The following WNK2 variants were observed in gnomAD, a reference collection of about 807,000 sequenced individuals.
WNK2 encodes the protein WNK lysine deficient protein kinase 2.
WNK2 carries 67 observed loss-of-function variants against 192.1 expected under a neutral mutation model. The observed-to-expected ratio is 0.35, with a 90% CI of 0.29 to 0.43. The LOEUF (loss-of-function observed/expected upper bound fraction) is 0.43, where lower values mean the gene tolerates loss of function less well. WNK2 is among the 20% of genes least tolerant of loss of function. The pLI is 1.00. For synonymous variants in WNK2, 1,439 were observed against 1,393.9 expected, an observed-to-expected ratio of 1.03 and a Z score of -0.72; for missense variants, 2,698 against 3,089.7, an observed-to-expected ratio of 0.87 and a Z score of 3.01.
chr9:93,320,089 A>G (rs72743449), intron 29 of WNK2, among the ~76,000 whole-genome samples: 9,436 of 152,052 alleles, frequency 0.062, 359 homozygotes, highest in African/African-American at 0.1. Context: ...AGGGCAGCTC[A>G]CTCCCCAGAT....
chr9:93,191,330 G>T (rs1163353661), intron 2 of WNK2, among the ~76,000 whole-genome samples: 1 of 152,188 alleles, frequency 6.6e-6, no homozygotes, highest in Non-Finnish European at 1.5e-5. Flanking sequence ...CTGTGCTTGG[G>T]TCTCAACAGT....
intron 26 of WNK2, among the ~76,000 whole-genome samples, chr9:93,303,357 G>A (rs540990299): frequency 7.5e-4 from 114 of 152,286 alleles, no homozygotes; most frequent in African/African-American, 2.5e-3. Context: ...CCACCTGACC[G>A]GGCATGTTCT....
At chr9:93,314,755 G>C (rs918249165) in intron 28 of WNK2, among the ~76,000 whole-genome samples, 1 of 152,094 alleles carries the variant, frequency 6.6e-6, no homozygotes, top group Non-Finnish European at 1.5e-5. Context: ...AGAAGTCAGA[G>C]GGAGCCAAAT....
intron 4 of WNK2, among the ~76,000 whole-genome samples, chr9:93,232,480 A>G (rs554993931): frequency 8.6e-4 from 131 of 152,326 alleles, no homozygotes; most frequent in Non-Finnish European, 1.8e-3. Flanking sequence ...CTTTCTGGGC[A>G]GATTTTGCAA....
intron 17 of WNK2, 31 bp from the exon 18 acceptor site, chr9:93,267,989 G>C (rs544293505): frequency 6.2e-7 from 1 of 1,608,684 alleles, no homozygotes; most frequent in East Asian, 2.2e-5. Flanking sequence ...GCAGCTCAGT[G>C]GGCTCATTTC....
In WNK2 at chr9:93,258,992, C is replaced by T. The variant is rs148781404; in HGVS notation, c.2444C>T (p.Pro815Leu). 3.8e-5 allele frequency: 61 copies of T among 1,612,760 alleles called. No homozygotes were observed. Among genetic ancestry groups the T allele is most frequent in the African/African-American group, 2.3e-4 (17 of 74,820 alleles). Residue 815 changes from proline to leucine, a missense_variant, in exon 12 of 30, where the codon CCG (proline) becomes CTG (leucine). Physicochemically the swap from Pro to Leu is moderately conservative, Grantham distance 98. This residue lies in a region of WNK2 where 893 missense variants were observed against 909.0 expected (regional missense o/e 0.98). Transcript: ENST00000427277. ...TPLAGIDGLPPALPDLPTATV... is the reference protein window; with the variant it reads ...TPLAGIDGLPLALPDLPTATV... Reference sequence around the variant, plus strand: ...CTGGCGGGAATCGACGGCCTCCCTCCGGCCCTCCCAGACCTGCCGACCGCG... The same window carrying T: ...CTGGCGGGAATCGACGGCCTCCCTCTGGCCCTCCCAGACCTGCCGACCGCG...
chr9:93,248,218 C>T (rs887161502), intron 8 of WNK2, among the ~76,000 whole-genome samples: 2 of 152,222 alleles, frequency 1.3e-5, no homozygotes, highest in African/African-American at 4.8e-5. Context: ...TGGGCCCTGT[C>T]CCCCCAGCCC....
At chr9:93,268,143 G>C in intron 18 of WNK2, 78 bp downstream of exon 18, 1 of 1,537,032 alleles carries the variant, frequency 6.5e-7, no homozygotes, top group Admixed American at 2.0e-5. Flanking sequence ...CCAGGGGTTT[G>C]GCCATTGCTT....
At chr9:93,224,389 C>A (rs1837452644) in intron 2 of WNK2, among the ~76,000 whole-genome samples, 2 of 152,170 alleles carry the variant, frequency 1.3e-5, no homozygotes, top group Admixed American at 6.5e-5. Flanking sequence ...CTGCAGACAC[C>A]CTGCCATGTT....
chr9:93,204,661 G>A (rs1201511198), intron 2 of WNK2, among the ~76,000 whole-genome samples: 2 of 152,258 alleles, frequency 1.3e-5, no homozygotes, highest in Non-Finnish European at 2.9e-5. Context: ...ATGGGACAGA[G>A]TGGGTGTTTG....
rs559625709 is a variant in WNK2, at chr9:93,286,634, G to A, written c.4034-2154G>A. 3.3e-5 allele frequency among the ~76,000 whole-genome samples: 5 copies of A among 152,262 alleles called. 1 individual carries two copies. In the South Asian group the frequency reaches 1.0e-3, roughly 32 times the overall value. ...CTCAAAAAATTAAAATAGAACTACC[G>A]TATGATCCAGCAATCCCACTGCTGG... On this transcript the variant is annotated intron_variant, in intron 19 of 29. Coordinates refer to ENST00000427277, the MANE Select transcript of WNK2 (RefSeq NM_006648.4).
intron 2 of WNK2, among the ~76,000 whole-genome samples, chr9:93,223,840 G>T (rs1480005705): frequency 6.6e-6 from 1 of 152,224 alleles, no homozygotes; most frequent in Admixed American, 6.5e-5. Context: ...CCCTCCCGGG[G>T]GTGGAGGGAA....
Position 93,267,751 on chromosome 9 carries a change from G to C in WNK2, c.3702G>C (p.Glu1234Asp), listed in dbSNP as rs767453804. The C allele has an allele frequency of 6.3e-7, 1 of 1,592,942 alleles. No individual in the cohort carries two copies. The highest frequency in any genetic ancestry group is 1.3e-5 in the African/African-American group (1 of 74,520). The stretch of plus-strand genomic sequence containing the variant: ...GGCAGTATGTCCCTTTGCAGGTGGA[G>C]CATGACTTTATCCTGCAGGCCGAGC... ...APDEIATYMV[E>D]HDFILQAERE... The change falls in exon 17 of 30, where the codon GAG becomes GAC. Residue 1234 changes from glutamate (E) to aspartate (D), a missense_variant. This residue lies in a region of WNK2 where 21 missense variants were observed against 53.2 expected (regional missense o/e 0.39). Coordinates refer to ENST00000427277, the MANE Select transcript of WNK2 (RefSeq NM_006648.4).
At chr9:93,195,698 T>TCAAAAAAAAAAA (rs1831122404) in intron 2 of WNK2, among the ~76,000 whole-genome samples, 1 of 5,542 alleles carries the variant, frequency 1.8e-4, no homozygotes, top group African/African-American at 5.0e-4. Flanking sequence ...AGACTTTGTC[T>TCAAAAAAAAAAA]CAAAAAAAAA....
chr9:93,207,329 T>A (rs1354364348), intron 2 of WNK2, among the ~76,000 whole-genome samples: 2 of 152,132 alleles, frequency 1.3e-5, no homozygotes, highest in Admixed American at 1.3e-4. Flanking sequence ...GGGTTTGACC[T>A]GCCCCAGATC....
At chr9:93,312,859 A>C (rs1198036980) in intron 28 of WNK2, among the ~76,000 whole-genome samples, 1 of 152,110 alleles carries the variant, frequency 6.6e-6, no homozygotes, top group Admixed American at 6.6e-5. Context: ...CATCCACTTC[A>C]TGGTGGACCA....
intron 2 of WNK2, among the ~76,000 whole-genome samples, chr9:93,204,795 C>T (rs1366681480): frequency 6.6e-6 from 1 of 152,062 alleles, no homozygotes; most frequent in Non-Finnish European, 1.5e-5. Context: ...CCGAGGACAC[C>T]AGGGAGGAAC....
rs535854673 is a variant in WNK2 at position 93,214,082 on chromosome 9, A to G, written c.682-15614A>G. ...AATGACTGATGCATTTATCCTTTCC[A>G]TTGCTTTCTGTTCTTTCTTGCGTTT... is the stretch of plus-strand genomic sequence containing the variant. On this transcript the variant is annotated intron_variant, in intron 2 of 29. Transcript: ENST00000427277. 7.2e-5 allele frequency among the ~76,000 whole-genome samples: 11 copies of G among 151,950 alleles called. No individual in the cohort carries two copies. The South Asian group carries it at 1.2e-3, about 17-fold the overall frequency.
chr9:93,247,479 G>A lies in WNK2; in HGVS notation c.1543-64G>A. The A allele has an allele frequency of 1.3e-6, 2 of 1,544,634 alleles. No individual in the cohort carries two copies. The highest frequency in any genetic ancestry group is 1.8e-6 in the Non-Finnish European group (2 of 1,137,756). On this transcript the variant is annotated intron_variant, in intron 7 of 29. Coordinates refer to ENST00000427277, the MANE Select transcript of WNK2 (RefSeq NM_006648.4). The surrounding 1 kb of genome is among the most constrained non-coding windows in gnomAD (Gnocchi z 5.2). Reference sequence around the variant, plus strand: ...AGCCAGTGATGGGAAAGCACTTTAGGTAAGGGGTGTGGGCCGGTGAGGGCT... The same window carrying A: ...AGCCAGTGATGGGAAAGCACTTTAGATAAGGGGTGTGGGCCGGTGAGGGCT...
Sources: allele counts gnomAD v4.1 joint callset (sites outside exome capture counted in the v4.1 genomes callset), GRCh38; gene constraint gnomAD v4.1.1; regional missense constraint gnomAD v4.1.1; non-coding constraint Gnocchi (gnomAD v3.1); transcripts MANE v1.5; gene names NCBI Gene and HGNC (gene_info 2026-07-23, HGNC 2026-07-21).